The following CELF5 variants were observed in gnomAD, a reference collection of about 807,000 sequenced individuals.
The protein encoded by CELF5 is CUG-BP and ETR-3 like factor 5.
CELF5 carries 6 observed loss-of-function variants against 54.9 expected under a neutral mutation model. That is an observed-to-expected ratio of 0.11 (90% confidence interval 0.06 to 0.22). The LOEUF (loss-of-function observed/expected upper bound fraction) is 0.22. Ranked by LOEUF, CELF5 falls within the 10% of genes least tolerant of loss-of-function variation. The probability of loss-of-function intolerance (pLI) is 1.00; values close to 1 mark genes in which losing one functional copy is unlikely to be tolerated. For missense variants in CELF5, 401 were observed against 678.6 expected, an observed-to-expected ratio of 0.59 and a Z score of 4.54; for synonymous variants, 271 against 290.9, an observed-to-expected ratio of 0.93 and a Z score of 0.70.
intron 2 of CELF5, among the ~76,000 whole-genome samples, chr19:3,273,033 G>T (rs985019795): frequency 2.0e-5 from 3 of 152,116 alleles, no homozygotes; most frequent in African/African-American, 2.4e-5. Flanking sequence ...AATGAATCCA[G>T]ATGGCAGGCT....
rs1309505175 is a variant in CELF5 at position 3,282,504 on chromosome 19, T to C, written c.1039+6T>C. 10 of 1,608,382 alleles carry C rather than the reference T, an allele frequency of 6.2e-6. No individual in the cohort carries two copies. The African/African-American group carries it at 1.1e-4, about 17-fold the overall frequency. On this transcript the variant is annotated splice_donor_region_variant and intron_variant, in intron 8 of 12. Coordinates refer to ENST00000292672, the MANE Select transcript of CELF5 (RefSeq NM_021938.4). This position sits in a 1 kb window ranked among gnomAD's most constrained non-coding sequence, Gnocchi z 5.2. ...TGGCCTTGTGCCCTACCCAGGTAAA[T>C]TGGGGTCGTCCTCTGGGGCCTAGGA...
rs538487167 is a variant in CELF5, at chr19:3,260,449, G to GTATTT, written c.342+9399_342+9403dup. 4.1e-4 allele frequency among the ~76,000 whole-genome samples: 62 copies of GTATTT among 151,042 alleles called. 1 individual carries two copies. In the East Asian group the frequency reaches 8.9e-3, roughly 22 times the overall value. Reference sequence around the variant, plus strand: ...CCGAAGACTGGCTAAATATATGTATGTATTTTATTTTATTTTATTTTTAGA... The same window carrying GTATTT: ...CCGAAGACTGGCTAAATATATGTATGTATTTTATTTTATTTTATTTTATTTTTAGA... On this transcript the variant is annotated intron_variant, in intron 2 of 12. Transcript: ENST00000292672.
rs2079793926 is a variant in CELF5, at chr19:3,260,562, C to A, written c.342+9495C>A. On this transcript the variant is annotated intron_variant, in intron 2 of 12. Coordinates refer to ENST00000292672, the MANE Select transcript of CELF5 (RefSeq NM_021938.4). ...CTTCACCTCCCAGGTTCAAGCAATT[C>A]TCCTGCCTCAGCTTCTGAAGAAGCT... Among the ~76,000 whole-genome samples the A allele has an allele frequency of 2.6e-5, 4 of 151,878 alleles. No homozygotes were observed. The South Asian group carries it at 8.3e-4, about 32-fold the overall frequency.
intron 1 of CELF5, among the ~76,000 whole-genome samples, chr19:3,226,767 CTT>C (rs11453088): frequency 6.9e-6 from 1 of 143,908 alleles, no homozygotes; most frequent in African/African-American, 2.5e-5. Context: ...TCTTCTTCAT[CTT>C]TTTTTTTTTT....
intron 2 of CELF5, among the ~76,000 whole-genome samples, 175 bp from the exon 3 acceptor site, chr19:3,273,697 C>T (rs1156425381): frequency 1.3e-5 from 2 of 152,122 alleles, no homozygotes; most frequent in Admixed American, 6.6e-5. Context: ...ACACAGTTTC[C>T]GCTGTAGGTG....
intron 1 of CELF5, among the ~76,000 whole-genome samples, chr19:3,227,939 T>C (rs530131616): frequency 6.6e-6 from 1 of 152,134 alleles, no homozygotes; most frequent in South Asian, 2.1e-4. Context: ...CAGCCACAGC[T>C]GGCCTGGCCG....
rs565116909 is a variant in CELF5, at chr19:3,278,331, G to A, written c.603+221G>A. Among the ~76,000 whole-genome samples the A allele has an allele frequency of 2.6e-5, 4 of 152,208 alleles. No individual in the cohort carries two copies. Among genetic ancestry groups the A allele is most frequent in the Admixed American group, 6.5e-5 (1 of 15,278 alleles). Reference sequence around the variant, plus strand: ...CAGATGTGGAGGTGAGTAGGCAAGCGAAGTGTATGTGTGTGCATGGATGTA... The same window carrying A: ...CAGATGTGGAGGTGAGTAGGCAAGCAAAGTGTATGTGTGTGCATGGATGTA... On this transcript the variant is annotated intron_variant, in intron 5 of 12. Coordinates refer to ENST00000292672, the MANE Select transcript of CELF5 (RefSeq NM_021938.4). This position sits in a 1 kb window ranked among gnomAD's most constrained non-coding sequence, Gnocchi z 4.5.
At position 3,224,691 on chromosome 19, in the gene CELF5, T is replaced by TCCGCCCG. The variant is rs896536200; in HGVS notation, c.-36_-30dup. On this transcript the variant is annotated 5_prime_UTR_variant, in exon 1 of 13. Transcript: ENST00000292672. ...GCGCGGCCGCCGCTCCAGCTGCGAG[T>TCCGCCCG]CCGCCCGCCGCCCGCCGCCGCCGCC... 3.6e-5 allele frequency: 36 copies of TCCGCCCG among 992,512 alleles called. No homozygotes were observed. In the Middle Eastern group the frequency reaches 1.5e-3, roughly 42 times the overall value. The allele number at this position is 992,512 out of a possible 1,614,324, so 61.5% of individuals were successfully genotyped here.
intron 10 of CELF5, among the ~76,000 whole-genome samples, chr19:3,288,430 G>A (rs1226051519): frequency 6.6e-6 from 1 of 152,100 alleles, no homozygotes; most frequent in Admixed American, 6.6e-5. Context: ...GCTGAGGCAG[G>A]AGAATCTCTT....
chr19:3,242,866 A>T (rs1253510734), intron 1 of CELF5, among the ~76,000 whole-genome samples: 1 of 152,114 alleles, frequency 6.6e-6, no homozygotes, highest in Non-Finnish European at 1.5e-5. Flanking sequence ...CAGGAGGCTG[A>T]TGAAAGAGAG....
Position 3,285,976 on chromosome 19 carries a change from G to A in CELF5, c.1137G>A (p.Ala379=), listed in dbSNP as rs373788443. 4.5e-5 allele frequency: 72 copies of A among 1,585,440 alleles called. No homozygotes were observed. The highest frequency in any genetic ancestry group is 5.5e-5 in the Non-Finnish European group (64 of 1,172,658). The change falls in exon 10 of 13, where the codon GCG becomes GCA. Residue 379 remains alanine (A), a synonymous_variant. Coordinates refer to ENST00000292672, the MANE Select transcript of CELF5 (RefSeq NM_021938.4). ...MYPTAAITPI[A]HSVPQPPPLL... ...CCACCGCGGCCATCACGCCCATCGCGCACAGCGTCCCCCAGCCGCCGCCCC... is the reference window on the plus strand; with the variant it reads ...CCACCGCGGCCATCACGCCCATCGCACACAGCGTCCCCCAGCCGCCGCCCC...
Position 3,282,026 on chromosome 19 carries a change from G to C in CELF5, c.751-100G>C. The C allele has an allele frequency of 7.3e-7, 1 of 1,364,206 alleles. No individual in the cohort carries two copies. The allele number at this position is 1,364,206 out of a possible 1,614,324, so 84.5% of individuals were successfully genotyped here. A position where few individuals can be genotyped will look rare whatever the true frequency, so the allele number is the denominator to read the frequency against. Reference sequence around the variant, plus strand: ...ATCTCAGCCTGAGCCAAGATACCCAGCCTGACCTCCTCACTAGTAACTGGG... The same window carrying C: ...ATCTCAGCCTGAGCCAAGATACCCACCCTGACCTCCTCACTAGTAACTGGG... On this transcript the variant is annotated intron_variant, in intron 6 of 12. Coordinates refer to ENST00000292672, the MANE Select transcript of CELF5 (RefSeq NM_021938.4). The surrounding 1 kb of genome is among the most constrained non-coding windows in gnomAD (Gnocchi z 5.2).
chr19:3,247,887 G>A (rs892696716), intron 1 of CELF5, among the ~76,000 whole-genome samples: 2 of 151,752 alleles, frequency 1.3e-5, no homozygotes, highest in Non-Finnish European at 2.9e-5. Flanking sequence ...TCAGCCTCCC[G>A]AGTAGCTAGA....
chr19:3,256,202 A>G (rs1599424355), intron 2 of CELF5, among the ~76,000 whole-genome samples: 2 of 152,242 alleles, frequency 1.3e-5, no homozygotes, highest in Admixed American at 1.3e-4. Context: ...TCCCACCCCT[A>G]AAGTATTCGT....
chr19:3,274,771 G>C (rs1353506021), intron 3 of CELF5, among the ~76,000 whole-genome samples: 2 of 152,244 alleles, frequency 1.3e-5, no homozygotes, highest in East Asian at 3.9e-4. Flanking sequence ...AGGATACCTA[G>C]GTATATGTAG....
intron 1 of CELF5, among the ~76,000 whole-genome samples, chr19:3,245,025 G>A (rs924908836): frequency 4.1e-5 from 6 of 147,100 alleles, no homozygotes; most frequent in African/African-American, 1.5e-4. Flanking sequence ...GTAGTGTGTG[G>A]TGTGTGCATG....
chr19:3,232,658 C>T (rs955352332), intron 1 of CELF5, among the ~76,000 whole-genome samples: 1 of 151,558 alleles, frequency 6.6e-6, no homozygotes, highest in African/African-American at 2.4e-5. Context: ...AAATAGTCAA[C>T]AGGCTGGCTG....
chr19:3,277,927 C>A, intron 4 of CELF5, 104 bp from the exon 5 acceptor site: 1 of 809,288 alleles, frequency 1.2e-6, no homozygotes, highest in Non-Finnish European at 2.1e-6. Flanking sequence ...CTGCATGTGT[C>A]TGACACTGGC....
rs556517086 is a variant in CELF5, at chr19:3,274,547, G to T, written c.394+624G>T. ...TGTGTGCCTGACTGTTGGAGGCTGG[G>T]CATGTGGGCAGACATGCAGGCTGGG... On this transcript the variant is annotated intron_variant, in intron 3 of 12. Coordinates refer to ENST00000292672, the MANE Select transcript of CELF5 (RefSeq NM_021938.4). Among the ~76,000 whole-genome samples the T allele has an allele frequency of 6.6e-5, 10 of 152,328 alleles. 1 individual carries two copies. In the South Asian group the frequency reaches 2.1e-3, roughly 32 times the overall value.
Sources: gnomAD v4.1 joint callset for allele counts (sites outside exome capture counted in the v4.1 genomes callset) on GRCh38, gnomAD v4.1.1 for gene constraint, Gnocchi (gnomAD v3.1) non-coding constraint, MANE v1.5 for transcripts, NCBI Gene and HGNC (gene_info 2026-07-23, HGNC 2026-07-21) for gene names.